Variants in PA2G4 observed in about 807,000 individuals in gnomAD.
PA2G4 encodes proliferation-associated 2G4, also known as proliferation-associated protein 2G4.
A neutral mutation model predicts 53.3 loss-of-function variants in PA2G4; 8 were observed. The observed-to-expected ratio is 0.15, with a 90% CI of 0.09 to 0.27. The LOEUF (loss-of-function observed/expected upper bound fraction) is 0.27, where lower values mean the gene tolerates loss of function less well. Among genes scored for constraint, PA2G4 ranks in the 10% least tolerant of loss-of-function variants. The pLI is 1.00. For missense variants in PA2G4, 208 were observed against 486.8 expected, an observed-to-expected ratio of 0.43 and a Z score of 5.39; for synonymous variants, 143 against 169.8, an observed-to-expected ratio of 0.84 and a Z score of 1.23.
At chr12:56,109,970 A>G (rs1592236113) in intron 7 of PA2G4, 35 bp downstream of exon 7, 1 of 1,438,662 alleles carries the variant, frequency 7.0e-7, no homozygotes. Context: ...CTTCTACCAC[A>G]CAAGACTAGT....
Position 56,110,377 on chromosome 12 carries a change from C to A in PA2G4, c.630-22C>A, listed in dbSNP as rs141551337. ...TCTGTGTCAAAAAAAAAAAAAAATT[C>A]CTTTCTCTCTATTCCTTTTAGGAAG... On this transcript the variant is annotated intron_variant, in intron 7 of 12. Transcript: ENST00000303305. 157 of 1,433,672 alleles carry A rather than the reference C, an allele frequency of 1.1e-4. No homozygotes were observed. The African/African-American group carries it at 2.1e-3, about 19-fold the overall frequency. 88.8% of individuals were successfully genotyped at this position (1,433,672 alleles called of 1,614,324 possible). A position where few individuals can be genotyped will look rare whatever the true frequency, so the allele number is the denominator to read the frequency against.
chr12:56,106,733 C>T lies in PA2G4; in HGVS notation c.217+17C>T. 6.4e-7 allele frequency: 1 copy of T among 1,570,466 alleles called. No individual in the cohort carries two copies. The highest frequency in any genetic ancestry group is 1.2e-5 in the South Asian group (1 of 84,274). ...TGAAGAAAGGTAAAAAAAAAAAATC[C>T]CTCACTAATTTTCCGTTTGACCCTT... On this transcript the variant is annotated intron_variant, in intron 2 of 12. Coordinates refer to ENST00000303305, the MANE Select transcript of PA2G4 (RefSeq NM_006191.3).
intron 12 of PA2G4, among the ~76,000 whole-genome samples, chr12:56,112,566 C>T (rs893495260): frequency 7.9e-5 from 12 of 151,862 alleles, no homozygotes; most frequent in African/African-American, 1.5e-4. Flanking sequence ...AAGATCAGCC[C>T]GGGCAACATG....
At chr12:56,106,538 A>G in intron 1 of PA2G4, 50 bp from the exon 2 acceptor site, 1 of 1,469,588 alleles carries the variant, frequency 6.8e-7, no homozygotes, top group Middle Eastern at 2.5e-4. Context: ...TTGGGTGGTA[A>G]CTAGACAATG....
chr12:56,110,380 TTCTCTC>T lies in PA2G4; in HGVS notation c.630-17_630-12del, dbSNP rs766680956. On this transcript the variant is annotated splice_polypyrimidine_tract_variant and intron_variant, in intron 7 of 12. Transcript: ENST00000303305. ...GTGTCAAAAAAAAAAAAAAATTCCT[TTCTCTC>T]TATTCCTTTTAGGAAGGACCATGAA... 108 of 1,508,088 alleles carry T rather than the reference TTCTCTC, an allele frequency of 7.2e-5. No homozygotes were observed. The highest frequency in any genetic ancestry group is 9.3e-5 in the Non-Finnish European group (101 of 1,085,986). 93.4% of individuals were successfully genotyped at this position (1,508,088 alleles called of 1,614,324 possible).
chr12:56,107,712 C>G (rs2136839860), intron 5 of PA2G4, 99 bp downstream of exon 5: 1 of 713,092 alleles, frequency 1.4e-6, no homozygotes, highest in Non-Finnish European at 2.5e-6. Context: ...CCTACAGACC[C>G]CTTATAAAAC....
rs753709488 is a variant in PA2G4, at chr12:56,104,693, G to A, written c.-45G>A. 20 of 1,535,324 alleles carry A rather than the reference G, an allele frequency of 1.3e-5. No individual in the cohort carries two copies. The highest frequency in any genetic ancestry group is 1.8e-5 in the Non-Finnish European group (20 of 1,108,426). On this transcript the variant is annotated 5_prime_UTR_variant, in exon 1 of 13. Coordinates refer to ENST00000303305, the MANE Select transcript of PA2G4 (RefSeq NM_006191.3). ...GTGGCTGGGAAGGGAGACAGAGGCG[G>A]CGGCGGCTCAGGGGAAACGAGGCTG... is the stretch of plus-strand genomic sequence containing the variant.
intron 1 of PA2G4, among the ~76,000 whole-genome samples, chr12:56,105,397 C>T (rs931330390): frequency 6.6e-6 from 1 of 152,212 alleles, no homozygotes; most frequent in Non-Finnish European, 1.5e-5. Flanking sequence ...AGCTCTTACC[C>T]TGGTGGGGGC....
chr12:56,109,735 C>T, intron 6 of PA2G4, 122 bp from the exon 7 acceptor site: 1 of 708,948 alleles, frequency 1.4e-6, no homozygotes. Flanking sequence ...TCTCAGAGCC[C>T]TGTGTTTCCA....
rs1869476282 is a variant in PA2G4 at position 56,113,518 on chromosome 12, CT to C, written c.*636del. The C allele has an allele frequency of 3.4e-5, 10 of 291,880 alleles. No individual in the cohort carries two copies. The South Asian group carries it at 8.2e-4, about 24-fold the overall frequency. 18.1% of individuals were successfully genotyped at this position (291,880 alleles called of 1,614,324 possible). A position where few individuals can be genotyped will look rare whatever the true frequency, so the allele number is the denominator to read the frequency against. On this transcript the variant is annotated 3_prime_UTR_variant, in exon 13 of 13. Transcript: ENST00000303305. ...ATGAAATGGATCCTCATTTGTAAATCTTTTTTCTTCCATTTTCACAAAGCTG... is the reference window on the plus strand; with the variant it reads ...ATGAAATGGATCCTCATTTGTAAATCTTTTTCTTCCATTTTCACAAAGCTG...
At chr12:56,110,786 C>T (rs1055280833) in intron 9 of PA2G4, 94 bp downstream of exon 9, 3 of 1,473,832 alleles carry the variant, frequency 2.0e-6, no homozygotes, top group Admixed American at 1.7e-5. Flanking sequence ...AGACTTGTAG[C>T]GTGCATGTGC....
chr12:56,105,508 A>C (rs552026088), intron 1 of PA2G4, among the ~76,000 whole-genome samples: 2 of 152,168 alleles, frequency 1.3e-5, no homozygotes, highest in Non-Finnish European at 2.9e-5. Context: ...GAAGTTACTC[A>C]TTACTACCAC....
At position 56,110,380 on chromosome 12, in the gene PA2G4, TTC is replaced by T. The variant is rs766680956; in HGVS notation, c.630-13_630-12del. ...GTGTCAAAAAAAAAAAAAAATTCCT[TTC>T]TCTCTATTCCTTTTAGGAAGGACCA... On this transcript the variant is annotated splice_polypyrimidine_tract_variant and intron_variant, in intron 7 of 12. Coordinates refer to ENST00000303305, the MANE Select transcript of PA2G4 (RefSeq NM_006191.3). 9.3e-6 allele frequency: 14 copies of T among 1,508,092 alleles called. No individual in the cohort carries two copies. The highest frequency in any genetic ancestry group is 1.2e-5 in the Non-Finnish European group (13 of 1,085,990). The allele number at this position is 1,508,092 out of a possible 1,614,324, so 93.4% of individuals were successfully genotyped here. A position where few individuals can be genotyped will look rare whatever the true frequency, so the allele number is the denominator to read the frequency against.
chr12:56,113,708 G>A lies in PA2G4; in HGVS notation c.*820G>A, dbSNP rs1009797003. The A allele has an allele frequency of 9.3e-5, 59 of 636,570 alleles. No homozygotes were observed. Among genetic ancestry groups the A allele is most frequent in the African/African-American group, 5.1e-4 (28 of 54,944 alleles). The allele number at this position is 636,570 out of a possible 1,614,324, so 39.4% of individuals were successfully genotyped here. A position where few individuals can be genotyped will look rare whatever the true frequency, so the allele number is the denominator to read the frequency against. On this transcript the variant is annotated 3_prime_UTR_variant, in exon 13 of 13. Transcript: ENST00000303305. The stretch of plus-strand genomic sequence containing the variant: ...GAAAGAAAAACCAAGAACCAGAGGC[G>A]TAGACTGACTGAAGACACAACTCCT...
At chr12:56,111,411 TA>T (rs1346564594) in intron 11 of PA2G4, 64 bp from the exon 12 acceptor site, 5 of 1,604,420 alleles carry the variant, frequency 3.1e-6, no homozygotes, top group Admixed American at 3.4e-5. Context: ...GTACTGAAAG[TA>T]ACCCTTTATT....
chr12:56,104,645 C>T lies in PA2G4; in HGVS notation c.-93C>T, dbSNP rs760848486. Reference sequence around the variant, plus strand: ...TTTCGCTCGCCCTCTCCTCGAGGATCGAGGGGACTCTGACCACAGCCTGTG... The same window carrying T: ...TTTCGCTCGCCCTCTCCTCGAGGATTGAGGGGACTCTGACCACAGCCTGTG... On this transcript the variant is annotated 5_prime_UTR_variant, in exon 1 of 13. Coordinates refer to ENST00000303305, the MANE Select transcript of PA2G4 (RefSeq NM_006191.3). 7.6e-6 allele frequency: 9 copies of T among 1,176,728 alleles called. No individual in the cohort carries two copies. The highest frequency in any genetic ancestry group is 1.2e-5 in the Non-Finnish European group (9 of 780,636). The allele number at this position is 1,176,728 out of a possible 1,614,324, so 72.9% of individuals were successfully genotyped here. A position where few individuals can be genotyped will look rare whatever the true frequency, so the allele number is the denominator to read the frequency against.
Position 56,113,872 on chromosome 12 carries a change from G to T in PA2G4, c.*984G>T. 1.4e-6 allele frequency: 1 copy of T among 702,290 alleles called. No individual in the cohort carries two copies. Among genetic ancestry groups the T allele is most frequent in the Non-Finnish European group, 2.6e-6 (1 of 384,808 alleles). The allele number at this position is 702,290 out of a possible 1,614,324, so 43.5% of individuals were successfully genotyped here. On this transcript the variant is annotated 3_prime_UTR_variant, in exon 13 of 13. Coordinates refer to ENST00000303305, the MANE Select transcript of PA2G4 (RefSeq NM_006191.3). The stretch of plus-strand genomic sequence containing the variant: ...TGAGGTTTTTAAACACATTGAAAAT[G>T]ACATGACATTAAAATAAATTTGGAT...
intron 5 of PA2G4, among the ~76,000 whole-genome samples, chr12:56,107,873 A>G (rs1409195649): frequency 6.6e-6 from 1 of 152,064 alleles, no homozygotes; most frequent in African/African-American, 2.4e-5. Flanking sequence ...TACAAAAAAT[A>G]CAAAAATTAG....
Position 56,104,567 on chromosome 12 carries a change from C to T in PA2G4, c.-171C>T, listed in dbSNP as rs766142444. 9 of 750,648 alleles carry T rather than the reference C, an allele frequency of 1.2e-5. No individual in the cohort carries two copies. The Admixed American group carries it at 1.4e-4, about 11-fold the overall frequency. The allele number at this position is 750,648 out of a possible 1,614,324, so 46.5% of individuals were successfully genotyped here. Reference sequence around the variant, plus strand: ...AGCGTGCCCTGCGCCTCAGCCCGCGCGCTCGCAGCTTCTCGCTCTCGCCTG... The same window carrying T: ...AGCGTGCCCTGCGCCTCAGCCCGCGTGCTCGCAGCTTCTCGCTCTCGCCTG... On this transcript the variant is annotated 5_prime_UTR_variant, in exon 1 of 13. Coordinates refer to ENST00000303305, the MANE Select transcript of PA2G4 (RefSeq NM_006191.3).
Sources: gnomAD v4.1 joint callset for allele counts (sites outside exome capture counted in the v4.1 genomes callset) on GRCh38, gnomAD v4.1.1 for gene constraint, MANE v1.5 for transcripts, NCBI Gene and HGNC (gene_info 2026-07-23, HGNC 2026-07-21) for gene names.